Variants in SLFN5 observed in about 807,000 individuals in gnomAD.
SLFN5 encodes schlafen family member 5.
SLFN5 carries 34 observed loss-of-function variants against 48.5 expected under a neutral mutation model. That is an observed-to-expected ratio of 0.70 (90% CI 0.53 to 0.93). The LOEUF is 0.93. SLFN5 is among the 40% of genes least tolerant of loss of function. SLFN5 has a pLI of 0.00. For synonymous variants in SLFN5, 387 were observed against 396.2 expected, an observed-to-expected ratio of 0.98 and a Z score of 0.28; for missense variants, 1,006 against 1,071.3, an observed-to-expected ratio of 0.94 and a Z score of 0.85.
chr17:35,253,644 G>T (rs1030415883), intron 1 of SLFN5, among the ~76,000 whole-genome samples: 8 of 151,218 alleles, frequency 5.3e-5, no homozygotes, highest in African/African-American at 1.9e-4. Context: ...CAAAATGGGG[G>T]AATTACAGGT....
In SLFN5 at chr17:35,265,651, G is replaced by C. The variant is rs1904659863; in HGVS notation, c.2439G>C (p.Lys813Asn). 1 of 1,614,114 alleles carries C rather than the reference G, an allele frequency of 6.2e-7. No individual in the cohort carries two copies. Among genetic ancestry groups the C allele is most frequent in the Admixed American group, 1.7e-5 (1 of 60,014 alleles). ...YKDRLLTAMRKRKLSQLHEES... is the reference protein window; with the variant it reads ...YKDRLLTAMRNRKLSQLHEES... ...ACAGGCTTCTAACAGCAATGAGGAA[G>C]AGAAAACTGTCTCAGCTCCATGAGG... Residue 813 changes from lysine to asparagine, a missense_variant, in exon 5 of 5, where the codon AAG becomes AAC. Transcript: ENST00000299977.
intron 3 of SLFN5, among the ~76,000 whole-genome samples, chr17:35,261,644 C>T (rs986754106): frequency 6.6e-6 from 1 of 150,852 alleles, no homozygotes; most frequent in Non-Finnish European, 1.5e-5. Flanking sequence ...GCTGGGATTA[C>T]AGGCATGAGC....
In SLFN5 at chr17:35,250,072, G is replaced by A. The variant is rs1261816658; in HGVS notation, c.-41+6929G>A. The stretch of plus-strand genomic sequence containing the variant: ...TATCCCCTAGTAACACTCCTGTCCC[G>A]CCAGCAAAGAAACCAAGTGGATGAA... On this transcript the variant is annotated intron_variant, in intron 1 of 4. Coordinates refer to ENST00000299977, the MANE Select transcript of SLFN5 (RefSeq NM_144975.4). Among the ~76,000 whole-genome samples the A allele has an allele frequency of 3.9e-5, 6 of 152,094 alleles. No homozygotes were observed. In the East Asian group the frequency reaches 1.2e-3, roughly 29 times the overall value.
chr17:35,255,567 T>C (rs761193062), intron 1 of SLFN5, among the ~76,000 whole-genome samples: 2 of 152,308 alleles, frequency 1.3e-5, no homozygotes, highest in Middle Eastern at 3.4e-3. Flanking sequence ...TGAAAAGACA[T>C]ACATGGAACA....
At chr17:35,250,249 T>C (rs2092439240) in intron 1 of SLFN5, among the ~76,000 whole-genome samples, 1 of 152,218 alleles carries the variant, frequency 6.6e-6, no homozygotes, top group Admixed American at 6.5e-5. Flanking sequence ...AGTGCACCTT[T>C]AGACAAAGAC....
chr17:35,272,226 A>T lies in SLFN5; in HGVS notation c.*6338A>T, dbSNP rs1404854773. 3 of 152,134 alleles carry T rather than the reference A, an allele frequency of 2.0e-5. No homozygotes were observed. The highest frequency in any genetic ancestry group is 2.0e-4 in the Admixed American group (3 of 15,272). 9.4% of individuals were successfully genotyped at this position (152,134 alleles called of 1,614,324 possible). A position where few individuals can be genotyped will look rare whatever the true frequency, so the allele number is the denominator to read the frequency against. ...ATGGCCAAAAATAAATTTAAAATAC[A>T]TGTTGAAATGTATTAACAGCATATG... On this transcript the variant is annotated 3_prime_UTR_variant, in exon 5 of 5. Coordinates refer to ENST00000299977, the MANE Select transcript of SLFN5 (RefSeq NM_144975.4).
In SLFN5 at chr17:35,271,428, G is replaced by T. The variant is rs1177155237; in HGVS notation, c.*5540G>T. Reference sequence around the variant, plus strand: ...AGTCTATACATATTATTTTCTAATTGCCTATTATGTCAGACTACATGTAGT... The same window carrying T: ...AGTCTATACATATTATTTTCTAATTTCCTATTATGTCAGACTACATGTAGT... On this transcript the variant is annotated 3_prime_UTR_variant, in exon 5 of 5. Transcript: ENST00000299977. 6.6e-6 allele frequency: 1 copy of T among 152,110 alleles called. No individual in the cohort carries two copies. Among genetic ancestry groups the T allele is most frequent in the Admixed American group, 6.5e-5 (1 of 15,272 alleles). The allele number at this position is 152,110 out of a possible 1,614,324, so 9.4% of individuals were successfully genotyped here.
At chr17:35,259,752 A>C in intron 2 of SLFN5, 50 bp downstream of exon 2, 9 of 1,575,996 alleles carry the variant, frequency 5.7e-6, no homozygotes, top group Non-Finnish European at 7.7e-6. Flanking sequence ...GCAGCAAGGC[A>C]GGGCGGGTCA....
At chr17:35,244,118 C>G (rs1257875973) in intron 1 of SLFN5, among the ~76,000 whole-genome samples, 1 of 152,106 alleles carries the variant, frequency 6.6e-6, no homozygotes, top group Non-Finnish European at 1.5e-5. Flanking sequence ...GACTCTGAAG[C>G]TATATCCTCC....
In SLFN5 at chr17:35,265,835, T is replaced by C. The variant is rs754613014; in HGVS notation, c.2623T>C (p.Cys875Arg). Residue 875 changes from cysteine (C) to arginine (R), a missense_variant, in exon 5 of 5, where the codon TGT becomes CGT. Physicochemically the swap from Cys to Arg is radical, Grantham distance 180. Coordinates refer to ENST00000299977, the MANE Select transcript of SLFN5 (RefSeq NM_144975.4). ...PPAGAYNLLLCLASRAKRHLY... is the reference protein window; with the variant it reads ...PPAGAYNLLLRLASRAKRHLY... ...GGCTGGGGCCTACAATCTTCTGCTC[T>C]GTTTGGCTTCTAGGGCAAAAAGACA... is the stretch of plus-strand genomic sequence containing the variant. 13 of 1,613,324 alleles carry C rather than the reference T, an allele frequency of 8.1e-6. No individual in the cohort carries two copies. In the South Asian group the frequency reaches 1.4e-4, roughly 18 times the overall value.
At position 35,273,625 on chromosome 17, in the gene SLFN5, T is replaced by A. The variant is rs111877591; in HGVS notation, c.*7737T>A. The A allele has an allele frequency of 4.0e-5, 6 of 151,808 alleles. No individual in the cohort carries two copies. The East Asian group carries it at 7.7e-4, about 20-fold the overall frequency. The allele number at this position is 151,808 out of a possible 1,614,324, so 9.4% of individuals were successfully genotyped here. ...TTATATTTGCTTCAAGCTTTTTTTT[T>A]AAATAAAAGAAATGCAATATTGCAA... is the stretch of plus-strand genomic sequence containing the variant. On this transcript the variant is annotated 3_prime_UTR_variant, in exon 5 of 5. Coordinates refer to ENST00000299977, the MANE Select transcript of SLFN5 (RefSeq NM_144975.4).
At chr17:35,260,435 T>C (rs567144861) in intron 2 of SLFN5, among the ~76,000 whole-genome samples, 2 of 152,262 alleles carry the variant, frequency 1.3e-5, no homozygotes, top group East Asian at 1.9e-4. Flanking sequence ...TCTAAAAATA[T>C]AAAAACAGTC....
chr17:35,258,728 A>C lies in SLFN5; in HGVS notation c.38A>C (p.Glu13Ala). The C allele has an allele frequency of 6.2e-7, 1 of 1,614,000 alleles. No individual in the cohort carries two copies. The highest frequency in any genetic ancestry group is 8.5e-7 in the Non-Finnish European group (1 of 1,179,974). ...ATTGATGTGGATACAAACTTTCCTGAGTGTGTTGTAGATGCAGGAAAAGTC... is the reference window on the plus strand; with the variant it reads ...ATTGATGTGGATACAAACTTTCCTGCGTGTGTTGTAGATGCAGGAAAAGTC... ...LRIDVDTNFPECVVDAGKVTL... is the reference protein window; with the variant it reads ...LRIDVDTNFPACVVDAGKVTL... Residue 13 changes from glutamate (E) to alanine (A), a missense_variant, in exon 2 of 5, where the codon GAG becomes GCG. Coordinates refer to ENST00000299977, the MANE Select transcript of SLFN5 (RefSeq NM_144975.4).
At chr17:35,258,017 C>A (rs569379585) in intron 1 of SLFN5, among the ~76,000 whole-genome samples, 1 of 152,204 alleles carries the variant, frequency 6.6e-6, no homozygotes, top group African/African-American at 2.4e-5. Flanking sequence ...AGGTGACCTG[C>A]GAGACTCTGC....
Position 35,273,231 on chromosome 17 carries a change from A to ATT in SLFN5, c.*7343_*7344insTT, listed in dbSNP as rs1213568170. On this transcript the variant is annotated 3_prime_UTR_variant, in exon 5 of 5. Transcript: ENST00000299977. ...AAATGTCTCTTATTCTTTTAGAATC[A>ATT]ATATAAGTCTGTGCTTGTAAATGCA... is the stretch of plus-strand genomic sequence containing the variant. The ATT allele has an allele frequency of 6.6e-6, 1 of 152,246 alleles. No homozygotes were observed. The highest frequency in any genetic ancestry group is 6.5e-5 in the Admixed American group (1 of 15,280). The allele number at this position is 152,246 out of a possible 1,614,324, so 9.4% of individuals were successfully genotyped here.
At chr17:35,261,957 G>A (rs2142702188) in intron 3 of SLFN5, among the ~76,000 whole-genome samples, 1 of 152,170 alleles carries the variant, frequency 6.6e-6, no homozygotes, top group South Asian at 2.1e-4. Flanking sequence ...GGGATTACAG[G>A]CATGAGCCAC....
intron 1 of SLFN5, among the ~76,000 whole-genome samples, chr17:35,253,667 G>A (rs1252140959): frequency 6.7e-6 from 1 of 149,528 alleles, no homozygotes; most frequent in Admixed American, 6.7e-5. Flanking sequence ...GAGCCGCTGT[G>A]CCTGGCCTGA....
In SLFN5 at chr17:35,269,791, G is replaced by A. The variant is rs1347415823; in HGVS notation, c.*3903G>A. The A allele has an allele frequency of 1.3e-5, 2 of 152,176 alleles. No homozygotes were observed. Among genetic ancestry groups the A allele is most frequent in the Non-Finnish European group, 2.9e-5 (2 of 68,036 alleles). The allele number at this position is 152,176 out of a possible 1,614,324, so 9.4% of individuals were successfully genotyped here. On this transcript the variant is annotated 3_prime_UTR_variant, in exon 5 of 5. Coordinates refer to ENST00000299977, the MANE Select transcript of SLFN5 (RefSeq NM_144975.4). ...AAGTGGAAAGATCAGTTCCCCCAAAGAATATCAGTTACCAAAGTAGGATGA... is the reference window on the plus strand; with the variant it reads ...AAGTGGAAAGATCAGTTCCCCCAAAAAATATCAGTTACCAAAGTAGGATGA...
intron 1 of SLFN5, among the ~76,000 whole-genome samples, chr17:35,258,076 A>G (rs1036380609): frequency 1.3e-5 from 2 of 152,158 alleles, no homozygotes; most frequent in African/African-American, 4.8e-5. Flanking sequence ...CATAAATATA[A>G]CCTGTTGGTC....
Sources: gnomAD v4.1 joint callset for allele counts (sites outside exome capture counted in the v4.1 genomes callset) on GRCh38, gnomAD v4.1.1 for gene constraint, MANE v1.5 for transcripts, NCBI Gene and HGNC (gene_info 2026-07-23, HGNC 2026-07-21) for gene names.